Variants in SMOC1 observed in about 807,000 individuals in gnomAD.
The protein encoded by SMOC1 is SPARC related modular calcium binding 1, also known as SPARC-related modular calcium-binding protein 1.
A neutral mutation model predicts 56.3 loss-of-function variants in SMOC1; 22 were observed. The ratio of observed to expected loss-of-function variants is 0.39; its 90% CI spans 0.28 to 0.56. The LOEUF (loss-of-function observed/expected upper bound fraction) is 0.56. Ranked by LOEUF, SMOC1 falls within the 20% of genes least tolerant of loss-of-function variation. SMOC1 has a pLI of 0.61. For synonymous variants in SMOC1, 193 were observed against 215.0 expected (o/e 0.90, Z 0.89); for missense variants, 509 against 565.4 (o/e 0.90, Z 1.01).
chr14:70,018,507 C>G (rs1176820093), intron 10 of SMOC1, among the ~76,000 whole-genome samples: 3 of 152,294 alleles, frequency 2.0e-5, no homozygotes, highest in East Asian at 1.9e-4. Context: ...GATAGTCCCT[C>G]TTGGTGAATG....
rs1886116297 is a variant in SMOC1, at chr14:70,030,624, G to C, written c.*366G>C. ...TATAAATATATATGTAAATTGTATA[G>C]TTCTTTTGTACAGGCATTGGCATTG... On this transcript the variant is annotated 3_prime_UTR_variant, in exon 12 of 12. Transcript: ENST00000361956. The C allele has an allele frequency of 8.4e-6, 2 of 238,460 alleles. No individual in the cohort carries two copies. Among genetic ancestry groups the C allele is most frequent in the Admixed American group, 5.0e-5 (1 of 19,868 alleles). 14.8% of individuals were successfully genotyped at this position (238,460 alleles called of 1,614,324 possible).
intron 11 of SMOC1, 114 bp downstream of exon 11, chr14:70,023,561 T>G (rs1885813616): frequency 6.9e-7 from 1 of 1,450,706 alleles, no homozygotes; most frequent in Non-Finnish European, 9.6e-7. Flanking sequence ...ATCAATTATT[T>G]GCTGGAAGTG....
intron 10 of SMOC1, among the ~76,000 whole-genome samples, chr14:70,018,114 G>A (rs1885583391): frequency 6.6e-6 from 1 of 152,138 alleles, no homozygotes; most frequent in African/African-American, 2.4e-5. Context: ...CAGGCCCTGG[G>A]AGTCAAGATG....
chr14:69,980,802 G>A (rs1884151715), intron 5 of SMOC1, among the ~76,000 whole-genome samples: 1 of 152,216 alleles, frequency 6.6e-6, no homozygotes, highest in Non-Finnish European at 1.5e-5. Flanking sequence ...GCACCCTTGT[G>A]CAGGGTGATG....
intron 1 of SMOC1, among the ~76,000 whole-genome samples, chr14:69,905,623 A>G (rs576467933): frequency 6.6e-6 from 1 of 152,294 alleles, no homozygotes; most frequent in South Asian, 2.1e-4. Flanking sequence ...CCACCTAGAG[A>G]CCATGCGCAT....
At chr14:69,883,685 T>G (rs573213641) in intron 1 of SMOC1, among the ~76,000 whole-genome samples, 1 of 152,258 alleles carries the variant, frequency 6.6e-6, no homozygotes, top group South Asian at 2.1e-4. Flanking sequence ...CTGCTTTAAA[T>G]TTTTTGAGGA....
chr14:69,897,340 C>G (rs1308311796), intron 1 of SMOC1, among the ~76,000 whole-genome samples: 1 of 152,124 alleles, frequency 6.6e-6, no homozygotes, highest in Non-Finnish European at 1.5e-5. Context: ...GCCACACCTA[C>G]TTTTTTTTCT....
At chr14:69,932,702 GC>G (rs1885198482) in intron 1 of SMOC1, among the ~76,000 whole-genome samples, 1 of 152,202 alleles carries the variant, frequency 6.6e-6, no homozygotes, top group Admixed American at 6.5e-5. Context: ...TGCTTTGGGA[GC>G]CCCTGTGCCG....
chr14:69,984,661 G>T (rs1352489513), intron 5 of SMOC1, among the ~76,000 whole-genome samples: 1 of 149,452 alleles, frequency 6.7e-6, no homozygotes, highest in Non-Finnish European at 1.5e-5. Context: ...TACCCAACAT[G>T]GTGAAACCCT....
intron 10 of SMOC1, among the ~76,000 whole-genome samples, chr14:70,022,617 G>A (rs749095881): frequency 6.6e-5 from 10 of 152,244 alleles, no homozygotes; most frequent in Non-Finnish European, 1.0e-4. Flanking sequence ...ATGTCCAGCA[G>A]TGATGGACCG....
intron 7 of SMOC1, among the ~76,000 whole-genome samples, chr14:70,008,437 C>T (rs984889769): frequency 2.6e-5 from 4 of 152,328 alleles, no homozygotes; most frequent in East Asian, 3.9e-4. Flanking sequence ...CTGAGCCTGG[C>T]ATTTTAATGA....
chr14:69,949,898 G>C (rs1882931766), intron 1 of SMOC1, among the ~76,000 whole-genome samples: 1 of 152,202 alleles, frequency 6.6e-6, no homozygotes, highest in African/African-American at 2.4e-5. Flanking sequence ...GGGATCGTGT[G>C]CAGGGCTTGA....
intron 1 of SMOC1, among the ~76,000 whole-genome samples, chr14:69,883,506 A>G (rs1262705542): frequency 6.6e-6 from 1 of 152,068 alleles, no homozygotes; most frequent in African/African-American, 2.4e-5. Context: ...TATATACCAT[A>G]TTTTCTCTAT....
rs368442479 is a variant in SMOC1, at chr14:69,879,434, C to G, written c.-245C>G. 3 of 380,742 alleles carry G rather than the reference C, an allele frequency of 7.9e-6. No individual in the cohort carries two copies. Among genetic ancestry groups the G allele is most frequent in the Admixed American group, 4.7e-5 (1 of 21,208 alleles). 23.6% of individuals were successfully genotyped at this position (380,742 alleles called of 1,614,324 possible). A position where few individuals can be genotyped will look rare whatever the true frequency, so the allele number is the denominator to read the frequency against. ...CGGGCTCAGGCGTCCAACCTGCTGC[C>G]GCCTGGGCCCCGCCGAGCGGAGCTA... On this transcript the variant is annotated 5_prime_UTR_variant, in exon 1 of 12. Transcript: ENST00000361956.
At chr14:69,899,560 G>A (rs566654392) in intron 1 of SMOC1, among the ~76,000 whole-genome samples, 41 of 152,296 alleles carry the variant, frequency 2.7e-4, no homozygotes, top group Non-Finnish European at 5.4e-4. Context: ...GTAGAACTAT[G>A]AGCCAACTAA....
chr14:70,013,546 T>G, intron 10 of SMOC1, 55 bp downstream of exon 10: 4 of 1,454,714 alleles, frequency 2.7e-6, no homozygotes, highest in Non-Finnish European at 3.9e-6. Flanking sequence ...CCCCTGACTT[T>G]TCAAATGCTG....
chr14:70,030,144 A>T (rs954209705), intron 11 of SMOC1, 98 bp from the exon 12 acceptor site: 2 of 1,563,234 alleles, frequency 1.3e-6, no homozygotes, highest in Non-Finnish European at 8.8e-7. Flanking sequence ...AAATTGATGG[A>T]CATAGCTGGA....
chr14:69,896,374 G>A (rs1657517515), intron 1 of SMOC1, among the ~76,000 whole-genome samples: 2 of 152,172 alleles, frequency 1.3e-5, no homozygotes, highest in African/African-American at 4.8e-5. Flanking sequence ...CTAGCTGTGT[G>A]TTCTCGGGCA....
intron 11 of SMOC1, among the ~76,000 whole-genome samples, chr14:70,025,630 G>C (rs1189509778): frequency 1.3e-5 from 2 of 152,154 alleles, no homozygotes; most frequent in Admixed American, 1.3e-4. Flanking sequence ...GAAGTGTTTG[G>C]AACTTTTTCA....
Sources: allele counts gnomAD v4.1 joint callset (sites outside exome capture counted in the v4.1 genomes callset), GRCh38; gene constraint gnomAD v4.1.1; transcripts MANE v1.5; gene names NCBI Gene and HGNC (gene_info 2026-07-23, HGNC 2026-07-21).